Variants in ZNF676 observed in about 807,000 individuals in gnomAD.
ZNF676 encodes the protein zinc finger protein 676.
Under a neutral mutation model 6.0 loss-of-function variants are expected in ZNF676, and 4 were observed. The ratio of observed to expected loss-of-function variants is 0.67; its 90% CI spans 0.33 to 1.53. ZNF676 has a LOEUF of 1.53. Ranked by LOEUF, ZNF676 falls within the 40% of genes most tolerant of loss-of-function variation. ZNF676 has a pLI of 0.06. For synonymous variants in ZNF676, 198 were observed against 223.1 expected, an observed-to-expected ratio of 0.89 and a Z score of 1.00; for missense variants, 644 against 679.7, an observed-to-expected ratio of 0.95 and a Z score of 0.58.
upstream of ZNF676, among the ~76,000 whole-genome samples, chr19:22,197,853 C>A (rs949935431): frequency 6.6e-6 from 1 of 152,034 alleles, no homozygotes; most frequent in Admixed American, 6.6e-5. Flanking sequence ...TCCTGATGTA[C>A]CCAGAAGGAC....
intron 2 of ZNF676, among the ~76,000 whole-genome samples, chr19:22,182,387 ATAT>A (rs1414719465): frequency 2.0e-5 from 3 of 152,182 alleles, no homozygotes; most frequent in Admixed American, 2.0e-4. Flanking sequence ...CTTATCAAAA[ATAT>A]TATAAAGTTT....
At position 22,215,740 on chromosome 19, in the gene ZNF676, T is replaced by C. The variant is rs2024177903; in HGVS notation, c.-106A>G. ...CTCTAGGAACAGTAAGGACAAGGCC[T>C]TTACCTCCGGCTGCAGCGAGAGACA... On this transcript the variant is annotated 5_prime_UTR_variant, in exon 1 of 4. Coordinates refer to the ZNF676 transcript ENST00000650058. The C allele has an allele frequency of 2.8e-6, 4 of 1,417,064 alleles. No homozygotes were observed. In the African/African-American group the frequency reaches 5.7e-5, roughly 20 times the overall value. The allele number at this position is 1,417,064 out of a possible 1,614,324, so 87.8% of individuals were successfully genotyped here.
intron 1 of ZNF676, among the ~76,000 whole-genome samples, chr19:22,207,812 T>A (rs1440702592): frequency 6.6e-6 from 1 of 151,996 alleles, no homozygotes; most frequent in African/African-American, 2.4e-5. Flanking sequence ...AACCATCTGA[T>A]CTTCAACAAA....
the ZNF676 span, among the ~76,000 whole-genome samples, chr19:22,253,404 G>GTGTATGTATATATATA: frequency 2.1e-5 from 2 of 97,042 alleles, no homozygotes; most frequent in Non-Finnish European, 3.9e-5. Flanking sequence ...ATGATAATGT[G>GTGTATGTATATATATA]TATATATATA....
chr19:22,234,351 G>A, the ZNF676 span, among the ~76,000 whole-genome samples: 6 of 152,262 alleles, frequency 3.9e-5, no homozygotes, highest in East Asian at 3.9e-4. Context: ...TGGAGACCAT[G>A]GGCATTTGAG....
At chr19:22,223,644 G>T in the ZNF676 span, among the ~76,000 whole-genome samples, 21 of 151,114 alleles carry the variant, frequency 1.4e-4, no homozygotes, top group African/African-American at 4.4e-4. Context: ...TACATGTTAT[G>T]CCTGAAATAA....
intron 2 of ZNF676, among the ~76,000 whole-genome samples, chr19:22,187,178 C>A (rs2023850590): frequency 6.6e-6 from 1 of 152,152 alleles, no homozygotes; most frequent in Non-Finnish European, 1.5e-5. Context: ...GTCTCTCAGA[C>A]CACAGTGCAA....
intron 1 of ZNF676, among the ~76,000 whole-genome samples, chr19:22,207,474 G>A (rs896846280): frequency 1.3e-5 from 2 of 152,128 alleles, no homozygotes; most frequent in African/African-American, 2.4e-5. Flanking sequence ...ACCACTTTAT[G>A]CTCATGAATA....
intron 1 of ZNF676, among the ~76,000 whole-genome samples, chr19:22,215,064 C>CAAAAA (rs60075524): frequency 2.3e-4 from 31 of 135,608 alleles, no homozygotes; most frequent in South Asian, 9.5e-4. Context: ...AAAAAAACAA[C>CAAAAA]AAAAAACCAG....
At chr19:22,227,123 TC>T in the ZNF676 span, among the ~76,000 whole-genome samples, 19 of 152,106 alleles carry the variant, frequency 1.2e-4, no homozygotes, top group African/African-American at 4.6e-4. Flanking sequence ...AAAACACTCA[TC>T]AGCAAATGCA....
At chr19:22,254,995 G>A in the ZNF676 span, among the ~76,000 whole-genome samples, 40 of 152,198 alleles carry the variant, frequency 2.6e-4, no homozygotes, top group Admixed American at 3.9e-4. Context: ...TGAGATTAAC[G>A]ATCCCATACA....
chr19:22,247,299 C>T, the ZNF676 span, among the ~76,000 whole-genome samples: 1 of 152,146 alleles, frequency 6.6e-6, no homozygotes, highest in Non-Finnish European at 1.5e-5. Flanking sequence ...CACGGCGGCT[C>T]ATGTCAGTAA....
chr19:22,200,223 GA>G (rs1209119911), upstream of ZNF676, among the ~76,000 whole-genome samples: 1 of 150,928 alleles, frequency 6.6e-6, no homozygotes, highest in Non-Finnish European at 1.5e-5. Flanking sequence ...ATACTAATAA[GA>G]AATTTAAAAA....
At chr19:22,252,934 T>C in the ZNF676 span, among the ~76,000 whole-genome samples, 14 of 152,102 alleles carry the variant, frequency 9.2e-5, no homozygotes, top group African/African-American at 2.7e-4. Context: ...GGTCCAGAGA[T>C]GAGATTAACC....
rs748736797 is a variant in ZNF676 at position 22,193,127 on chromosome 19, T to C, written c.35-16A>G. 1.3e-6 allele frequency: 2 copies of C among 1,587,898 alleles called. No homozygotes were observed. The highest frequency in any genetic ancestry group is 3.6e-5 in the Admixed American group (2 of 55,788). ...GCAGCAATACCTGTTTTATTAAAAA[T>C]GAACAACATCCATCTTGCTCATATT... On this transcript the variant is annotated splice_polypyrimidine_tract_variant and intron_variant, in intron 1 of 2. Coordinates refer to ENST00000397121, the MANE Select transcript of ZNF676 (RefSeq NM_001001411.3).
upstream of ZNF676, chr19:22,215,802 C>CG (rs570410008): frequency 6.1e-4 from 423 of 688,788 alleles, 1 homozygote; most frequent in Non-Finnish European, 8.4e-4. Context: ...ACCTGTCCCC[C>CG]CCCCCAGCTG....
the ZNF676 span, among the ~76,000 whole-genome samples, chr19:22,247,337 G>A: frequency 6.6e-6 from 1 of 151,996 alleles, no homozygotes; most frequent in African/African-American, 2.4e-5. Context: ...GCTGAGGCAG[G>A]TGGATTACCT....
At chr19:22,236,774 T>C in the ZNF676 span, among the ~76,000 whole-genome samples, 1 of 152,222 alleles carries the variant, frequency 6.6e-6, no homozygotes, top group African/African-American at 2.4e-5. Context: ...GTAGGTTTCC[T>C]ATCAATTTTA....
At chr19:22,235,017 AAAG>A in the ZNF676 span, among the ~76,000 whole-genome samples, 8,898 of 104,090 alleles carry the variant, frequency 0.085, 636 homozygotes, top group South Asian at 0.098. Flanking sequence ...AGAAAGAAAG[AAAG>A]AAAGAAAGAA....
Sources: gnomAD v4.1 joint callset for allele counts (sites outside exome capture counted in the v4.1 genomes callset) on GRCh38, gnomAD v4.1.1 for gene constraint, MANE v1.5 for transcripts, NCBI Gene and HGNC (gene_info 2026-07-23, HGNC 2026-07-21) for gene names.